CLVS1: variants seen among roughly 807,000 people sequenced by gnomAD.
The protein encoded by CLVS1 is clavesin-1.
Under a neutral mutation model 33.1 loss-of-function variants are expected in CLVS1, and 10 were observed. The observed-to-expected ratio is 0.30, with a 90% CI of 0.19 to 0.51. The LOEUF is 0.51. Among genes scored for constraint, CLVS1 ranks in the 20% least tolerant of loss-of-function variants. The pLI is 0.97. For synonymous variants in CLVS1, 163 were observed against 166.1 expected (o/e 0.98, Z 0.14); for missense variants, 343 against 433.4 (o/e 0.79, Z 1.85).
chr8:61,096,426 T>C (rs927262454), intron 1 of CLVS1, among the ~76,000 whole-genome samples: 1 of 152,238 alleles, frequency 6.6e-6, no homozygotes, highest in South Asian at 2.1e-4. Flanking sequence ...TATGTATTTG[T>C]TTGAATTTCT....
At chr8:61,326,030 G>C (rs936592028) in intron 2 of CLVS1, among the ~76,000 whole-genome samples, 3 of 152,104 alleles carry the variant, frequency 2.0e-5, no homozygotes, top group East Asian at 1.9e-4. Flanking sequence ...TTCATGACAC[G>C]AGTTGCCTTT....
chr8:61,089,844 C>G (rs1375894118), intron 1 of CLVS1, among the ~76,000 whole-genome samples: 1 of 152,264 alleles, frequency 6.6e-6, no homozygotes, highest in East Asian at 1.9e-4. Flanking sequence ...GTTGCTCGAG[C>G]CCAGGAATCC....
intron 3 of CLVS1, among the ~76,000 whole-genome samples, chr8:61,389,538 AG>A: frequency 6.6e-6 from 1 of 150,444 alleles, no homozygotes; most frequent in African/African-American, 2.5e-5. Context: ...ATCTCAAAAA[AG>A]GAAAAAAAAA....
chr8:61,128,909 TTTAGAGTGATTCCACTGTTCCCCC>T (rs1226673385), intron 1 of CLVS1, among the ~76,000 whole-genome samples: 2 of 152,264 alleles, frequency 1.3e-5, no homozygotes, highest in Non-Finnish European at 2.9e-5. Flanking sequence ...TTTCTCACTC[TTTAGAGTGATTCCACTGTTCCCCC>T]TACTGCATAG....
At chr8:61,128,830 T>C (rs1254687468) in intron 1 of CLVS1, among the ~76,000 whole-genome samples, 2 of 152,270 alleles carry the variant, frequency 1.3e-5, no homozygotes, top group East Asian at 3.8e-4. Context: ...GTTTTCTTAC[T>C]GTCACAAGAG....
intron 3 of CLVS1, among the ~76,000 whole-genome samples, chr8:61,434,378 A>G (rs1260425817): frequency 1.3e-5 from 2 of 152,246 alleles, no homozygotes; most frequent in Non-Finnish European, 2.9e-5. Context: ...ACTGTCAACG[A>G]AAAGAGTCAA....
At chr8:61,396,042 C>A (rs974605480) in intron 3 of CLVS1, among the ~76,000 whole-genome samples, 1 of 152,176 alleles carries the variant, frequency 6.6e-6, no homozygotes, top group Non-Finnish European at 1.5e-5. Flanking sequence ...GAAACTCGGA[C>A]TGAATTCATG....
upstream of CLVS1, among the ~76,000 whole-genome samples, chr8:61,054,354 T>C (rs1804438717): frequency 1.3e-5 from 2 of 152,166 alleles, no homozygotes; most frequent in African/African-American, 4.8e-5. Context: ...GGTGGCATCC[T>C]GTGGGCTGCC....
chr8:61,044,162 T>A, the CLVS1 span, among the ~76,000 whole-genome samples: 1 of 152,218 alleles, frequency 6.6e-6, no homozygotes, highest in Non-Finnish European at 1.5e-5. Context: ...GCCATGGTCC[T>A]AGAGGTATCT....
At chr8:61,351,315 T>C (rs1376366576) in intron 2 of CLVS1, among the ~76,000 whole-genome samples, 1 of 152,030 alleles carries the variant, frequency 6.6e-6, no homozygotes, top group Non-Finnish European at 1.5e-5. Context: ...CTTGAAATGA[T>C]AGGTTCAATA....
upstream of CLVS1, among the ~76,000 whole-genome samples, chr8:61,285,736 G>T (rs1320210559): frequency 6.6e-6 from 1 of 152,126 alleles, no homozygotes; most frequent in Non-Finnish European, 1.5e-5. Context: ...CCACGTGAGG[G>T]TGCACTGAAG....
At chr8:61,048,317 G>T in the CLVS1 span, among the ~76,000 whole-genome samples, 2 of 152,188 alleles carry the variant, frequency 1.3e-5, no homozygotes, top group Non-Finnish European at 2.9e-5. Flanking sequence ...CTGCAGCAAG[G>T]AGCTGAAGTT....
intron 1 of CLVS1, among the ~76,000 whole-genome samples, chr8:61,119,390 TA>T (rs1187298468): frequency 6.6e-6 from 1 of 150,962 alleles, no homozygotes; most frequent in Non-Finnish European, 1.5e-5. Flanking sequence ...TTAATATTGT[TA>T]TGTGTGAATT....
intron 1 of CLVS1, chr8:61,292,164 A>G (rs1810017665): frequency 6.2e-6 from 2 of 321,072 alleles, no homozygotes; most frequent in Middle Eastern, 4.1e-4. Context: ...CTATTAAATA[A>G]TAAGACCCAT....
intron 2 of CLVS1, among the ~76,000 whole-genome samples, chr8:61,279,593 C>T (rs1809629083): frequency 6.6e-6 from 1 of 150,688 alleles, no homozygotes; most frequent in Non-Finnish European, 1.5e-5. Context: ...TTTGCCAAAC[C>T]ATAACTCCCC....
intron 2 of CLVS1, among the ~76,000 whole-genome samples, chr8:61,330,392 AG>A (rs1179685918): frequency 6.6e-6 from 1 of 152,192 alleles, no homozygotes; most frequent in Admixed American, 6.5e-5. Context: ...AAGAGGAGAA[AG>A]GAATTATTGT....
At chr8:61,344,031 T>A (rs1485902162) in intron 2 of CLVS1, among the ~76,000 whole-genome samples, 1 of 152,154 alleles carries the variant, frequency 6.6e-6, no homozygotes, top group Non-Finnish European at 1.5e-5. Flanking sequence ...AAAGGACCAA[T>A]ATGTGCAATA....
intron 2 of CLVS1, among the ~76,000 whole-genome samples, chr8:61,235,326 A>G (rs1265501173): frequency 2.0e-5 from 3 of 152,006 alleles, no homozygotes; most frequent in Admixed American, 6.6e-5. Flanking sequence ...ATTGCAGAGG[A>G]CTCCAGTGAG....
At chr8:61,158,495 C>T (rs1434803936) in intron 2 of CLVS1, among the ~76,000 whole-genome samples, 1 of 152,006 alleles carries the variant, frequency 6.6e-6, no homozygotes, top group African/African-American at 2.4e-5. Flanking sequence ...AAAAGAATGC[C>T]AAATGATCAT....
Sources: gnomAD v4.1 joint callset for allele counts (sites outside exome capture counted in the v4.1 genomes callset) on GRCh38, gnomAD v4.1.1 for gene constraint, MANE v1.5 for transcripts, NCBI Gene and HGNC (gene_info 2026-07-23, HGNC 2026-07-21) for gene names.